SPRYD7: variants seen among roughly 807,000 people sequenced by gnomAD.
SPRYD7 encodes the protein SPRY domain containing 7.
In SPRYD7, 14 loss-of-function variants were observed where a neutral mutation model predicts 23.8. The ratio of observed to expected loss-of-function variants is 0.59; its 90% CI spans 0.39 to 0.92. The LOEUF is 0.92. SPRYD7 is among the 40% of genes least tolerant of loss of function. SPRYD7 has a pLI of 0.00. For synonymous variants in SPRYD7, 75 were observed against 84.9 expected, an observed-to-expected ratio of 0.88 and a Z score of 0.64; for missense variants, 194 against 241.7, an observed-to-expected ratio of 0.80 and a Z score of 1.31.
In SPRYD7 at chr13:49,936,267, C is replaced by T. The variant is rs997404028; in HGVS notation, c.-32G>A. On this transcript the variant is annotated 5_prime_UTR_variant, in exon 1 of 5. Coordinates refer to ENST00000361840, the MANE Select transcript of SPRYD7 (RefSeq NM_020456.4). The stretch of plus-strand genomic sequence containing the variant: ...GGGACCACCGACTCCGCCGCCGTCC[C>T]TAGACCGAGGCGACACTGCCCCCCG... 1.2e-5 allele frequency: 19 copies of T among 1,524,158 alleles called. No individual in the cohort carries two copies. Among genetic ancestry groups the T allele is most frequent in the Non-Finnish European group, 1.7e-5 (19 of 1,120,094 alleles). The allele number at this position is 1,524,158 out of a possible 1,614,324, so 94.4% of individuals were successfully genotyped here.
chr13:49,935,232 C>A (rs910357758), intron 1 of SPRYD7, among the ~76,000 whole-genome samples: 1 of 152,050 alleles, frequency 6.6e-6, no homozygotes, highest in African/African-American at 2.4e-5. Flanking sequence ...GTCCTTTAAA[C>A]AATCAGAAAC....
At chr13:49,934,460 CAGA>C (rs1871519727) in intron 1 of SPRYD7, among the ~76,000 whole-genome samples, 1 of 144,348 alleles carries the variant, frequency 6.9e-6, no homozygotes, top group Non-Finnish European at 1.5e-5. Flanking sequence ...GAGGCTGAGG[CAGA>C]AGAATTGCTT....
At chr13:49,923,226 T>C (rs570609768) in intron 3 of SPRYD7, among the ~76,000 whole-genome samples, 63 of 152,118 alleles carry the variant, frequency 4.1e-4, no homozygotes, top group East Asian at 7.7e-4. Flanking sequence ...CAGTGGCCGA[T>C]TGCAAACAAA....
chr13:49,927,961 A>G lies in SPRYD7; in HGVS notation c.348T>C (p.Asn116=). 6.2e-7 allele frequency: 1 copy of G among 1,614,076 alleles called. No individual in the cohort carries two copies. Among genetic ancestry groups the G allele is most frequent in the Non-Finnish European group, 8.5e-7 (1 of 1,180,008 alleles). Residue 116 remains asparagine (N), a synonymous_variant, in exon 3 of 5, where the codon AAT becomes AAC. Transcript: ENST00000361840. ...GCGGAAGACTGTTTGCTGGCAGCCT[A>G]TTTTTCTCTTCATTGTTGTGGTAAA... The part of the protein sequence containing the change: ...GALYHNNEEK[N]RLPANSLPQE...
At chr13:49,929,130 C>A (rs1350898518) in intron 2 of SPRYD7, among the ~76,000 whole-genome samples, 1 of 152,084 alleles carries the variant, frequency 6.6e-6, no homozygotes, top group South Asian at 2.1e-4. Context: ...GCCACCATGC[C>A]CCATTGAAAA....
chr13:49,918,782 T>C (rs1260176487), intron 4 of SPRYD7, among the ~76,000 whole-genome samples: 1 of 152,032 alleles, frequency 6.6e-6, no homozygotes, highest in Admixed American at 6.6e-5. Context: ...TGGCATGATC[T>C]CGGCTCACTG....
chr13:49,928,959 A>G (rs1955915313), intron 2 of SPRYD7, among the ~76,000 whole-genome samples: 1 of 152,138 alleles, frequency 6.6e-6, no homozygotes, highest in Non-Finnish European at 1.5e-5. Context: ...AAGGTGTAAA[A>G]TCATTTTCTT....
chr13:49,932,225 G>C (rs1050668684), intron 1 of SPRYD7, among the ~76,000 whole-genome samples: 1 of 152,168 alleles, frequency 6.6e-6, no homozygotes, highest in Admixed American at 6.5e-5. Context: ...AAGAACTGAA[G>C]AGTACAGGGA....
chr13:49,924,472 A>G (rs1476393429), intron 3 of SPRYD7, among the ~76,000 whole-genome samples: 48 of 151,378 alleles, frequency 3.2e-4, no homozygotes, highest in Non-Finnish European at 2.2e-4. Flanking sequence ...TTATTTATTT[A>G]TTTGTTTGTT....
At chr13:49,936,103 T>C in intron 1 of SPRYD7, 27 bp downstream of exon 1, 2 of 1,530,034 alleles carry the variant, frequency 1.3e-6, no homozygotes, top group Non-Finnish European at 1.8e-6. Context: ...CGTGAGCCGT[T>C]GGGTCTGGGG....
At chr13:49,933,087 T>G (rs1871453621) in intron 1 of SPRYD7, among the ~76,000 whole-genome samples, 1 of 152,206 alleles carries the variant, frequency 6.6e-6, no homozygotes, top group African/African-American at 2.4e-5. Context: ...GTAGTGGACA[T>G]GCAGTATCTG....
intron 4 of SPRYD7, among the ~76,000 whole-genome samples, chr13:49,918,930 G>A (rs779187260): frequency 1.3e-4 from 20 of 150,690 alleles, no homozygotes; most frequent in Non-Finnish European, 2.1e-4. Flanking sequence ...TGGCCAGGCT[G>A]GTCTCAAACT....
intron 1 of SPRYD7, among the ~76,000 whole-genome samples, chr13:49,931,555 T>A (rs571765871): frequency 4.3e-4 from 65 of 152,316 alleles, no homozygotes; most frequent in African/African-American, 1.5e-3. Context: ...ATAGGGACAC[T>A]GTAAGTACTT....
chr13:49,918,586 C>T (rs1955779014), intron 4 of SPRYD7, among the ~76,000 whole-genome samples: 1 of 150,120 alleles, frequency 6.7e-6, no homozygotes, highest in African/African-American at 2.5e-5. Context: ...CCATGTTGGC[C>T]AGGCTAGTCT....
chr13:49,923,475 C>T (rs1488238845), intron 3 of SPRYD7, among the ~76,000 whole-genome samples: 1 of 152,188 alleles, frequency 6.6e-6, no homozygotes, highest in Non-Finnish European at 1.5e-5. Flanking sequence ...AACTCCTGAC[C>T]TCAAATGATC....
chr13:49,928,769 CATT>C (rs1171722171), intron 2 of SPRYD7, among the ~76,000 whole-genome samples: 5 of 152,288 alleles, frequency 3.3e-5, no homozygotes, highest in Middle Eastern at 3.4e-3. Context: ...TCATCATCAT[CATT>C]ATTATTATCT....
In SPRYD7 at chr13:49,915,053, A is replaced by T; in HGVS notation, c.*10T>A. ...CAGTGCAGAAATACAAGTTTTAAAA[A>T]CAAATACATTCAGAAGATTTGCTGT... is the stretch of plus-strand genomic sequence containing the variant. On this transcript the variant is annotated 3_prime_UTR_variant, in exon 5 of 5. Coordinates refer to ENST00000361840, the MANE Select transcript of SPRYD7 (RefSeq NM_020456.4). 6.6e-7 allele frequency: 1 copy of T among 1,504,856 alleles called. No individual in the cohort carries two copies. The highest frequency in any genetic ancestry group is 9.1e-7 in the Non-Finnish European group (1 of 1,103,278). 93.2% of individuals were successfully genotyped at this position (1,504,856 alleles called of 1,614,324 possible). A position where few individuals can be genotyped will look rare whatever the true frequency, so the allele number is the denominator to read the frequency against.
intron 3 of SPRYD7, among the ~76,000 whole-genome samples, chr13:49,922,878 G>C (rs1363057173): frequency 1.3e-5 from 2 of 151,980 alleles, no homozygotes; most frequent in Non-Finnish European, 2.9e-5. Context: ...AAGCAAGACA[G>C]CAAAAGCCCA....
chr13:49,930,925 A>G, intron 2 of SPRYD7, 93 bp downstream of exon 2: 1 of 739,058 alleles, frequency 1.4e-6, no homozygotes, highest in East Asian at 2.9e-5. Context: ...TGGTGCTTTT[A>G]TATTACCTTC....
Sources: gnomAD v4.1 joint callset for allele counts (sites outside exome capture counted in the v4.1 genomes callset) on GRCh38, gnomAD v4.1.1 for gene constraint, MANE v1.5 for transcripts, NCBI Gene and HGNC (gene_info 2026-07-23, HGNC 2026-07-21) for gene names.